NDST4: variants seen among roughly 807,000 people sequenced by gnomAD.
NDST4 encodes N-deacetylase and N-sulfotransferase 4, also known as N-heparan sulfate sulfotransferase 4.
In NDST4, 63 loss-of-function variants were observed where a neutral mutation model predicts 100.8. That is an observed-to-expected ratio of 0.62 (90% CI 0.51 to 0.77). NDST4 has a LOEUF of 0.77. Ranked by LOEUF, NDST4 falls within the 30% of genes least tolerant of loss-of-function variation. The probability of loss-of-function intolerance (pLI) is 0.00; values close to 1 mark genes in which losing one functional copy is unlikely to be tolerated. For missense variants in NDST4, 943 were observed against 1,018.4 expected (o/e 0.93, Z 1.01); for synonymous variants, 377 against 361.8 (o/e 1.04, Z -0.48).
intron 2 of NDST4, among the ~76,000 whole-genome samples, chr4:115,014,558 T>C (rs183188452): frequency 2.6e-5 from 4 of 152,182 alleles, no homozygotes; most frequent in African/African-American, 9.6e-5. Flanking sequence ...CTACTGGTTT[T>C]GAGATTTTTT....
At chr4:115,087,778 T>A (rs1729437496) in intron 1 of NDST4, among the ~76,000 whole-genome samples, 1 of 151,940 alleles carries the variant, frequency 6.6e-6, no homozygotes, top group Non-Finnish European at 1.5e-5. Flanking sequence ...AAGTAAACTT[T>A]TTTTCTGTAA....
chr4:115,018,717 T>C (rs1348453312), intron 2 of NDST4, among the ~76,000 whole-genome samples: 5 of 151,920 alleles, frequency 3.3e-5, no homozygotes, highest in Non-Finnish European at 5.9e-5. Flanking sequence ...TTCTAAGATT[T>C]CAAAATTTAG....
chr4:114,939,303 G>T (rs1725698291), intron 4 of NDST4, among the ~76,000 whole-genome samples: 1 of 152,168 alleles, frequency 6.6e-6, no homozygotes, highest in Admixed American at 6.5e-5. Context: ...AATAGAATTT[G>T]TATGAATGTG....
chr4:114,870,215 G>C (rs1407794443), intron 7 of NDST4, among the ~76,000 whole-genome samples: 1 of 152,110 alleles, frequency 6.6e-6, no homozygotes, highest in African/African-American at 2.4e-5. Context: ...TCCTAACACT[G>C]ACAATTCTCT....
At position 114,946,362 on chromosome 4, in the gene NDST4, A is replaced by G. The variant is rs192345526; in HGVS notation, c.1222-8859T>C. 3.2e-3 allele frequency among the ~76,000 whole-genome samples: 487 copies of G among 152,292 alleles called. 3 individuals carry two copies. The highest frequency in any genetic ancestry group is 3.9e-3 in the Non-Finnish European group (268 of 68,030). On this transcript the variant is annotated intron_variant, in intron 4 of 13. Coordinates refer to ENST00000264363, the MANE Select transcript of NDST4 (RefSeq NM_022569.3). ...GAGTCCAAGGTCATACAAAAGAAGT[A>G]AGTAAATTGTGTAATATATTAGAAG... is the stretch of plus-strand genomic sequence containing the variant.
chr4:114,872,883 C>CAT (rs1480169737), intron 6 of NDST4, among the ~76,000 whole-genome samples: 1 of 151,910 alleles, frequency 6.6e-6, no homozygotes, highest in Non-Finnish European at 1.5e-5. Flanking sequence ...TTCGCCAAAA[C>CAT]ATATATATAC....
At chr4:114,963,457 A>T (rs1726310474) in intron 4 of NDST4, among the ~76,000 whole-genome samples, 1 of 152,188 alleles carries the variant, frequency 6.6e-6, no homozygotes, top group African/African-American at 2.4e-5. Context: ...GTGATTGCTA[A>T]GGGTACTTTT....
In NDST4 at chr4:114,975,099, G is replaced by T. The variant is rs145388857; in HGVS notation, c.1066+2088C>A. Among the ~76,000 whole-genome samples, 601 of 152,164 alleles carry T rather than the reference G, an allele frequency of 3.9e-3. 1 individual carries two copies. Among genetic ancestry groups the T allele is most frequent in the Non-Finnish European group, 6.5e-3 (440 of 67,958 alleles). ...TCCGTATAGAAATGTGACAAGATAGGGGTAAGGCACGTCTTTCTGATATCT... is the reference window on the plus strand; with the variant it reads ...TCCGTATAGAAATGTGACAAGATAGTGGTAAGGCACGTCTTTCTGATATCT... On this transcript the variant is annotated intron_variant, in intron 3 of 13. Coordinates refer to ENST00000264363, the MANE Select transcript of NDST4 (RefSeq NM_022569.3).
Position 114,913,731 on chromosome 4 carries a change from GAA to G in NDST4, c.1536+21473_1536+21474del, listed in dbSNP as rs56189208. ...TGTGGGTTAATAAACCTATCTCCAA[GAA>G]AAAAAAAAAAAAAAAAACACTTTTA... is the stretch of plus-strand genomic sequence containing the variant. On this transcript the variant is annotated intron_variant, in intron 6 of 13. Transcript: ENST00000264363. 9.9e-3 allele frequency among the ~76,000 whole-genome samples: 1,250 copies of G among 125,944 alleles called. 9 individuals carry two copies. The highest frequency in any genetic ancestry group is 0.027 in the African/African-American group (986 of 36,910). The allele number at this position is 125,944 out of a possible 152,430, so 82.6% of individuals were successfully genotyped here. A position where few individuals can be genotyped will look rare whatever the true frequency, so the allele number is the denominator to read the frequency against.
chr4:114,952,489 C>A (rs559452792), intron 4 of NDST4, among the ~76,000 whole-genome samples: 1 of 152,102 alleles, frequency 6.6e-6, no homozygotes, highest in African/African-American at 2.4e-5. Flanking sequence ...CCTGCCAATA[C>A]CAGACCAGCA....
At chr4:115,013,303 C>A (rs370023681) in intron 2 of NDST4, among the ~76,000 whole-genome samples, 1 of 127,116 alleles carries the variant, frequency 7.9e-6, no homozygotes. Context: ...ATATTGTATG[C>A]CTGTATCAAA....
rs138450075 is a variant in NDST4 at position 114,907,826 on chromosome 4, G to A, written c.1536+27380C>T. ...GCCAAAGAGAGGGTCCTAACTTATA[G>A]GCATGAGAAAAAAAGGCTTTATTGG... On this transcript the variant is annotated intron_variant, in intron 6 of 13. Coordinates refer to ENST00000264363, the MANE Select transcript of NDST4 (RefSeq NM_022569.3). 5.0e-3 allele frequency among the ~76,000 whole-genome samples: 756 copies of A among 152,040 alleles called. 2 individuals are homozygous for A. Among genetic ancestry groups the A allele is most frequent in the Non-Finnish European group, 7.3e-3 (498 of 67,926 alleles).
At chr4:115,031,131 GC>G (rs1447296542) in intron 2 of NDST4, among the ~76,000 whole-genome samples, 3 of 151,936 alleles carry the variant, frequency 2.0e-5, no homozygotes, top group African/African-American at 7.3e-5. Flanking sequence ...TGATTTGATC[GC>G]CTATCTGATT....
chr4:114,938,792 A>G (rs904819894), intron 4 of NDST4, among the ~76,000 whole-genome samples: 2 of 152,110 alleles, frequency 1.3e-5, no homozygotes, highest in Non-Finnish European at 2.9e-5. Flanking sequence ...TCATGTAATG[A>G]CCCTCATTGT....
chr4:115,068,641 CAAAA>C (rs368916587), intron 2 of NDST4, among the ~76,000 whole-genome samples: 22 of 138,186 alleles, frequency 1.6e-4, no homozygotes, highest in Admixed American at 4.4e-4. Context: ...ACCCCATCTC[CAAAA>C]AAAAAAAAAA....
At chr4:115,097,623 G>A (rs1310111335) in intron 1 of NDST4, among the ~76,000 whole-genome samples, 1 of 152,016 alleles carries the variant, frequency 6.6e-6, no homozygotes, top group Non-Finnish European at 1.5e-5. Context: ...CTTTCTAATT[G>A]ATCTCTGCCT....
At chr4:115,050,374 C>T (rs1297107588) in intron 2 of NDST4, among the ~76,000 whole-genome samples, 3 of 151,814 alleles carry the variant, frequency 2.0e-5, no homozygotes, top group South Asian at 4.1e-4. Flanking sequence ...TACCTGCCTC[C>T]TTGCCAAGTA....
chr4:114,877,087 C>CACACACACACAT (rs367579960), intron 6 of NDST4, among the ~76,000 whole-genome samples: 211 of 151,606 alleles, frequency 1.4e-3, no homozygotes, highest in African/African-American at 4.7e-3. Context: ...CACACACACA[C>CACACACACACAT]GCGTGCACGC....
intron 6 of NDST4, among the ~76,000 whole-genome samples, chr4:114,899,738 A>AT (rs1170111878): frequency 6.6e-6 from 1 of 152,020 alleles, no homozygotes; most frequent in Non-Finnish European, 1.5e-5. Flanking sequence ...ATTTCCTAAT[A>AT]TTTTGCTGAT....
Sources: gnomAD v4.1 joint callset for allele counts (sites outside exome capture counted in the v4.1 genomes callset) on GRCh38, gnomAD v4.1.1 for gene constraint, MANE v1.5 for transcripts, NCBI Gene and HGNC (gene_info 2026-07-23, HGNC 2026-07-21) for gene names.